Variants in ZNF804A observed in about 807,000 individuals in gnomAD.
The protein encoded by ZNF804A is zinc finger protein 804A.
In ZNF804A, 2 loss-of-function variants were observed where a neutral mutation model predicts 16.5. The observed-to-expected ratio is 0.12, with a 90% CI of 0.05 to 0.38. The LOEUF (loss-of-function observed/expected upper bound fraction) is 0.38. ZNF804A is among the 10% of genes least tolerant of loss of function. The pLI is 0.99. For synonymous variants in ZNF804A, 534 were observed against 489.6 expected (o/e 1.09, Z -1.20); for missense variants, 1,473 against 1,390.7 (o/e 1.06, Z -0.94).
chr2:184,771,523 G>A (rs1179048765), intron 1 of ZNF804A, among the ~76,000 whole-genome samples: 1 of 151,614 alleles, frequency 6.6e-6, no homozygotes, highest in Non-Finnish European at 1.5e-5. Context: ...AAGGAAGGAG[G>A]ATCACTTGAG....
intron 2 of ZNF804A, among the ~76,000 whole-genome samples, chr2:184,923,547 T>C (rs1309117577): frequency 6.6e-6 from 1 of 151,986 alleles, no homozygotes; most frequent in African/African-American, 2.4e-5. Context: ...TTCTTTCTCT[T>C]GTCTGATTGA....
At chr2:184,708,874 A>T (rs1047445738) in intron 1 of ZNF804A, among the ~76,000 whole-genome samples, 4 of 152,084 alleles carry the variant, frequency 2.6e-5, no homozygotes, top group Non-Finnish European at 5.9e-5. Flanking sequence ...ATGACATTCA[A>T]ACTCCTTATC....
intron 1 of ZNF804A, among the ~76,000 whole-genome samples, chr2:184,802,076 C>A (rs1431649920): frequency 6.6e-6 from 1 of 152,132 alleles, no homozygotes; most frequent in Admixed American, 6.6e-5. Flanking sequence ...AAGCTGTAAT[C>A]CACTTTTATT....
intron 2 of ZNF804A, among the ~76,000 whole-genome samples, chr2:184,927,414 G>A (rs1685628371): frequency 6.6e-6 from 1 of 152,196 alleles, no homozygotes; most frequent in Non-Finnish European, 1.5e-5. Context: ...ACACCCCTGT[G>A]GCCACCACCA....
chr2:184,907,813 T>G (rs1230789435), intron 2 of ZNF804A, among the ~76,000 whole-genome samples: 1 of 152,168 alleles, frequency 6.6e-6, no homozygotes, highest in Non-Finnish European at 1.5e-5. Flanking sequence ...TTTTGTAGTT[T>G]GAGAAACATT....
intron 2 of ZNF804A, among the ~76,000 whole-genome samples, chr2:184,876,803 C>A (rs1387310996): frequency 6.6e-6 from 1 of 152,054 alleles, no homozygotes; most frequent in Admixed American, 6.6e-5. Flanking sequence ...ATTGACTCAG[C>A]CCCTGTTGAG....
chr2:184,917,872 C>T (rs1685476504), intron 2 of ZNF804A, among the ~76,000 whole-genome samples: 2 of 151,992 alleles, frequency 1.3e-5, no homozygotes, highest in Non-Finnish European at 2.9e-5. Context: ...TTGAAGTCCT[C>T]ATTTCTGTAA....
intron 2 of ZNF804A, among the ~76,000 whole-genome samples, chr2:184,926,589 C>A (rs562784145): frequency 6.6e-6 from 1 of 152,044 alleles, no homozygotes; most frequent in East Asian, 1.9e-4. Context: ...TTTGGATAAA[C>A]CTTGTATCCC....
intron 1 of ZNF804A, among the ~76,000 whole-genome samples, chr2:184,857,471 C>A (rs1290271210): frequency 6.6e-6 from 1 of 152,036 alleles, no homozygotes; most frequent in African/African-American, 2.4e-5. Context: ...ATATAATACT[C>A]CGTACATGTT....
At chr2:184,794,871 C>G (rs1344478441) in intron 1 of ZNF804A, among the ~76,000 whole-genome samples, 2 of 151,474 alleles carry the variant, frequency 1.3e-5, no homozygotes, top group Non-Finnish European at 3.0e-5. Flanking sequence ...GGAAATATCA[C>G]AATCCTAAAT....
intron 1 of ZNF804A, among the ~76,000 whole-genome samples, chr2:184,833,113 A>G (rs746248209): frequency 9.2e-5 from 14 of 152,022 alleles, no homozygotes; most frequent in Admixed American, 2.6e-4. Context: ...TATTCACACC[A>G]GCAGTACCCC....
At chr2:184,875,405 G>C (rs1696038653) in intron 2 of ZNF804A, among the ~76,000 whole-genome samples, 1 of 151,990 alleles carries the variant, frequency 6.6e-6, no homozygotes, top group Non-Finnish European at 1.5e-5. Context: ...AAAGAGCCTG[G>C]CACCTCCTCC....
chr2:184,670,119 A>G (rs1017898189), intron 1 of ZNF804A, among the ~76,000 whole-genome samples: 4 of 152,132 alleles, frequency 2.6e-5, no homozygotes, highest in African/African-American at 7.2e-5. Flanking sequence ...TGAAAGTGTT[A>G]GTATTGCCTA....
chr2:184,827,855 T>C (rs1021217704), intron 1 of ZNF804A, among the ~76,000 whole-genome samples: 3 of 151,744 alleles, frequency 2.0e-5, no homozygotes, highest in Non-Finnish European at 4.4e-5. Flanking sequence ...CAGCTGTAAG[T>C]CAGGCTGTTT....
chr2:184,740,325 G>A (rs1244005429), intron 1 of ZNF804A, among the ~76,000 whole-genome samples: 2 of 152,180 alleles, frequency 1.3e-5, no homozygotes, highest in East Asian at 1.9e-4. Context: ...ACAATAATAA[G>A]CAAGGGAGAT....
chr2:184,839,288 T>C (rs1018688729), intron 1 of ZNF804A, among the ~76,000 whole-genome samples: 7 of 152,086 alleles, frequency 4.6e-5, no homozygotes, highest in Non-Finnish European at 1.0e-4. Flanking sequence ...ATTATTATTT[T>C]AATAGCTACA....
chr2:184,890,080 AAAGAT>A (rs1160189108), intron 2 of ZNF804A, among the ~76,000 whole-genome samples: 3 of 152,148 alleles, frequency 2.0e-5, no homozygotes, highest in African/African-American at 7.2e-5. Context: ...TGGGATAACC[AAAGAT>A]AACAGTCAGA....
intron 1 of ZNF804A, among the ~76,000 whole-genome samples, chr2:184,645,867 G>A (rs558534950): frequency 1.3e-5 from 2 of 152,276 alleles, no homozygotes; most frequent in African/African-American, 2.4e-5. Context: ...AAGATGTGTG[G>A]CTGATAAAAG....
chr2:184,688,302 G>A (rs1320686708), intron 1 of ZNF804A, among the ~76,000 whole-genome samples: 1 of 151,560 alleles, frequency 6.6e-6, no homozygotes, highest in African/African-American at 2.4e-5. Flanking sequence ...CAAAATTTAT[G>A]TATCATTGGA....
Sources: allele counts gnomAD v4.1 joint callset (sites outside exome capture counted in the v4.1 genomes callset), GRCh38; gene constraint gnomAD v4.1.1; transcripts MANE v1.5; gene names NCBI Gene and HGNC (gene_info 2026-07-23, HGNC 2026-07-21).